Variants in QTMAN observed in about 807,000 individuals in gnomAD.
QTMAN encodes queuosine-tRNA mannosyltransferase.
At chr2:143,982,970 GTA>G in the QTMAN span, among the ~76,000 whole-genome samples, 1 of 151,912 alleles carries the variant, frequency 6.6e-6, no homozygotes, top group Admixed American at 6.6e-5. Context: ...CTTTAGAGAT[GTA>G]TATAAACCAA....
At chr2:143,980,276 C>T in the QTMAN span, among the ~76,000 whole-genome samples, 1 of 152,082 alleles carries the variant, frequency 6.6e-6, no homozygotes, top group Non-Finnish European at 1.5e-5. Context: ...TAAGTGAGAA[C>T]ATGCAATGTC....
the QTMAN span, among the ~76,000 whole-genome samples, chr2:144,325,479 C>T: frequency 6.6e-6 from 1 of 150,400 alleles, no homozygotes; most frequent in Non-Finnish European, 1.5e-5. Flanking sequence ...ATCACAATCT[C>T]GTAAGCAGCT....
At chr2:144,163,867 C>A in the QTMAN span, among the ~76,000 whole-genome samples, 2 of 152,194 alleles carry the variant, frequency 1.3e-5, no homozygotes, top group Non-Finnish European at 2.9e-5. Flanking sequence ...ACCATGGATT[C>A]TAAGGGAAGA....
the QTMAN span, among the ~76,000 whole-genome samples, chr2:144,165,850 T>C: frequency 1.3e-5 from 2 of 152,146 alleles, no homozygotes; most frequent in African/African-American, 4.8e-5. Context: ...TCCTAAATAT[T>C]TCTCAAATAT....
the QTMAN span, chr2:143,944,899 C>T: frequency 6.6e-6 from 1 of 151,020 alleles, no homozygotes; most frequent in African/African-American, 2.4e-5. Flanking sequence ...CAGATGTACT[C>T]TCTGAAAGGT....
At chr2:143,969,829 C>A in the QTMAN span, among the ~76,000 whole-genome samples, 1 of 152,190 alleles carries the variant, frequency 6.6e-6, no homozygotes, top group Non-Finnish European at 1.5e-5. Context: ...TACTGAGATG[C>A]AGGCTGGGTG....
chr2:144,218,015 T>C, the QTMAN span, among the ~76,000 whole-genome samples: 3 of 152,200 alleles, frequency 2.0e-5, no homozygotes, highest in Non-Finnish European at 4.4e-5. Flanking sequence ...CTGTTTTGCT[T>C]ACCATTGTTA....
At chr2:144,183,642 T>G in the QTMAN span, among the ~76,000 whole-genome samples, 3 of 152,152 alleles carry the variant, frequency 2.0e-5, no homozygotes, top group Admixed American at 2.0e-4. Flanking sequence ...TAGGGCTGAA[T>G]TTTTTAAGAG....
chr2:144,255,092 TTAA>T, the QTMAN span, among the ~76,000 whole-genome samples: 1 of 152,042 alleles, frequency 6.6e-6, no homozygotes, highest in South Asian at 2.1e-4. Context: ...GACTTCTGAG[TTAA>T]TGATGGAATG....
chr2:143,970,104 G>A, the QTMAN span, among the ~76,000 whole-genome samples: 3 of 152,152 alleles, frequency 2.0e-5, no homozygotes, highest in African/African-American at 7.2e-5. Flanking sequence ...CTTTGAAAAG[G>A]CTCCGTGTGG....
the QTMAN span, among the ~76,000 whole-genome samples, chr2:144,279,943 G>A: frequency 2.0e-5 from 3 of 152,182 alleles, no homozygotes; most frequent in Non-Finnish European, 4.4e-5. Context: ...GTTGTGGCAA[G>A]GGGGTGGGGC....
the QTMAN span, chr2:143,946,482 C>T: frequency 6.5e-6 from 1 of 152,720 alleles, no homozygotes; most frequent in Non-Finnish European, 1.5e-5. Context: ...TGCCCACAAA[C>T]AATTCTGCGA....
chr2:144,062,885 G>T, the QTMAN span, among the ~76,000 whole-genome samples: 1 of 152,052 alleles, frequency 6.6e-6, no homozygotes, highest in Non-Finnish European at 1.5e-5. Context: ...TTCATTCTTT[G>T]TGGCTCAGGA....
the QTMAN span, among the ~76,000 whole-genome samples, chr2:144,290,558 A>G: frequency 5.3e-5 from 8 of 152,212 alleles, no homozygotes; most frequent in Non-Finnish European, 7.3e-5. Context: ...ATCAATGCAT[A>G]TAAGTCAGAA....
the QTMAN span, among the ~76,000 whole-genome samples, chr2:144,045,245 G>A: frequency 6.6e-6 from 1 of 152,212 alleles, no homozygotes; most frequent in African/African-American, 2.4e-5. Context: ...CTGAGGAGAG[G>A]ATGGCATTTC....
the QTMAN span, among the ~76,000 whole-genome samples, chr2:144,010,385 G>C: frequency 6.6e-6 from 1 of 152,030 alleles, no homozygotes; most frequent in Non-Finnish European, 1.5e-5. Flanking sequence ...TAGTGAATAG[G>C]GACATGGAAA....
the QTMAN span, among the ~76,000 whole-genome samples, chr2:144,118,885 T>C: frequency 6.6e-6 from 1 of 151,704 alleles, no homozygotes; most frequent in Non-Finnish European, 1.5e-5. Context: ...CATCTCAAAA[T>C]AAATAAATAA....
At chr2:144,208,537 G>A in the QTMAN span, 1 of 1,320,510 alleles carries the variant, frequency 7.6e-7, no homozygotes, top group South Asian at 1.3e-5. Flanking sequence ...TACTGATGGA[G>A]AAGCAACATC....
At chr2:144,069,103 T>A in the QTMAN span, among the ~76,000 whole-genome samples, 1 of 152,194 alleles carries the variant, frequency 6.6e-6, no homozygotes, top group Non-Finnish European at 1.5e-5. Context: ...AGTTTAAGTA[T>A]AGAAATGCTC....
Sources: gnomAD v4.1 joint callset for allele counts (sites outside exome capture counted in the v4.1 genomes callset) on GRCh38, gnomAD v4.1.1 for gene constraint, MANE v1.5 for transcripts, NCBI Gene and HGNC (gene_info 2026-07-23, HGNC 2026-07-21) for gene names.